Variants in HHIPL1 observed in about 807,000 individuals in gnomAD.
HHIPL1 encodes HHIP-like protein 1.
HHIPL1 carries 43 observed loss-of-function variants against 61.8 expected under a neutral mutation model. The observed-to-expected ratio is 0.70, with a 90% CI of 0.55 to 0.90. The LOEUF (loss-of-function observed/expected upper bound fraction) is 0.90, where lower values mean the gene tolerates loss of function less well. Among genes scored for constraint, HHIPL1 ranks in the 40% least tolerant of loss-of-function variants. HHIPL1 has a pLI of 0.00. For synonymous variants in HHIPL1, 482 were observed against 515.8 expected, an observed-to-expected ratio of 0.93 and a Z score of 0.89; for missense variants, 1,056 against 1,157.7, an observed-to-expected ratio of 0.91 and a Z score of 1.28.
intron 2 of HHIPL1, among the ~76,000 whole-genome samples, chr14:99,656,795 GA>G (rs1404994435): frequency 0.31 from 1,586 of 5,102 alleles, 166 homozygotes; most frequent in African/African-American, 0.34. Flanking sequence ...AGAAAAGAAA[GA>G]AAGAAAGAAA....
the HHIPL1 span, among the ~76,000 whole-genome samples, chr14:99,604,925 T>C: frequency 6.6e-6 from 1 of 152,112 alleles, no homozygotes; most frequent in Non-Finnish European, 1.5e-5. Context: ...CCCACCCGGG[T>C]CCCCTGCCGG....
chr14:99,659,568 T>C lies in HHIPL1; in HGVS notation c.1187T>C (p.Met396Thr), dbSNP rs1414100246. ...GTCTACGCCCTGGGCGTGCGCAACA[T>C]GTGGCGCTGCTCCTTCGACCGTGGC... ...PEVYALGVRN[M>T]WRCSFDRGDP... The change falls in exon 4 of 9, where the codon ATG becomes ACG. Residue 396 changes from methionine to threonine, a missense_variant. Coordinates refer to ENST00000330710, the MANE Select transcript of HHIPL1 (RefSeq NM_001127258.3). 6.4e-7 allele frequency: 1 copy of C among 1,551,866 alleles called. No homozygotes were observed. Among genetic ancestry groups the C allele is most frequent in the Non-Finnish European group, 8.7e-7 (1 of 1,152,068 alleles).
chr14:99,607,510 T>A, the HHIPL1 span, among the ~76,000 whole-genome samples: 16 of 152,192 alleles, frequency 1.1e-4, no homozygotes, highest in African/African-American at 3.4e-4. Flanking sequence ...CCACACACAT[T>A]TGTGAGAGCC....
chr14:99,661,081 A>C (rs2140077511), intron 5 of HHIPL1, among the ~76,000 whole-genome samples: 1 of 152,226 alleles, frequency 6.6e-6, no homozygotes, highest in South Asian at 2.1e-4. Flanking sequence ...GGAAACCTAC[A>C]TCACAACCCT....
chr14:99,653,940 G>A (rs939268435), intron 2 of HHIPL1, among the ~76,000 whole-genome samples: 1 of 152,194 alleles, frequency 6.6e-6, no homozygotes, highest in Admixed American at 6.5e-5. Context: ...AGTAATCTCA[G>A]CACTTTGAGA....
At chr14:99,659,845 C>CCCCCCG in intron 4 of HHIPL1, 89 bp downstream of exon 4, 1 of 315,536 alleles carries the variant, frequency 3.2e-6, no homozygotes, top group Non-Finnish European at 4.4e-6. Flanking sequence ...TCGGAGACCG[C>CCCCCCG]ACCCCCCCCC....
chr14:99,652,259 C>T lies in HHIPL1; in HGVS notation c.291C>T (p.Ala97=), dbSNP rs575767490. The part of the protein sequence containing the change: ...CSPYAAHLYD[A]EDPFTPLRTV... ...CGTATGCAGCCCACCTCTATGACGC[C>T]GAGGACCCATTCACGCCCCTGCGCA... is the stretch of plus-strand genomic sequence containing the variant. The change falls in exon 2 of 9, where the codon GCC becomes GCT. Residue 97 remains alanine (A), a synonymous_variant. Coordinates refer to ENST00000330710, the MANE Select transcript of HHIPL1 (RefSeq NM_001127258.3). The T allele has an allele frequency of 2.1e-4, 344 of 1,611,896 alleles. 1 individual carries two copies. The highest frequency in any genetic ancestry group is 3.6e-4 in the South Asian group (33 of 90,928).
Position 99,660,142 on chromosome 14 carries a change from TGG to T in HHIPL1, c.1376-136_1376-135del. 5.7e-6 allele frequency: 4 copies of T among 700,668 alleles called. No homozygotes were observed. The highest frequency in any genetic ancestry group is 2.5e-5 in the South Asian group (1 of 39,426). The allele number at this position is 700,668 out of a possible 1,614,324, so 43.4% of individuals were successfully genotyped here. ...GCTTTCCACCACGCCAGCCCTGCTG[TGG>T]GCACGCCAGCCCTGCTGTGGGCACG... On this transcript the variant is annotated intron_variant, in intron 4 of 8. Coordinates refer to ENST00000330710, the MANE Select transcript of HHIPL1 (RefSeq NM_001127258.3). The surrounding 1 kb of genome is among the most constrained non-coding windows in gnomAD (Gnocchi z 4.9).
At chr14:99,617,991 G>A in the HHIPL1 span, among the ~76,000 whole-genome samples, 15 of 152,326 alleles carry the variant, frequency 9.8e-5, no homozygotes, top group African/African-American at 3.6e-4. Context: ...GGCAGAGGAC[G>A]TGACCAAGAG....
rs1330002542 is a variant in HHIPL1, at chr14:99,645,310, C to T, written c.103C>T (p.Pro35Ser). Residue 35 changes from proline to serine, a missense_variant, in exon 1 of 9, where the codon CCG becomes TCG. Physicochemically the swap from Pro to Ser is moderately conservative, Grantham distance 74. Coordinates refer to ENST00000330710, the MANE Select transcript of HHIPL1 (RefSeq NM_001127258.3). ...CAGGCCGCCCTTCCGGCCGACGCAGCCGCTGCGCCTCTGCGCGCAGTACTC... is the reference window on the plus strand; with the variant it reads ...CAGGCCGCCCTTCCGGCCGACGCAGTCGCTGCGCCTCTGCGCGCAGTACTC... ...DFRPPFRPTQPLRLCAQYSDF... is the reference protein window; with the variant it reads ...DFRPPFRPTQSLRLCAQYSDF... 1.4e-6 allele frequency: 2 copies of T among 1,453,410 alleles called. No homozygotes were observed. The highest frequency in any genetic ancestry group is 1.8e-6 in the Non-Finnish European group (2 of 1,107,658). The allele number at this position is 1,453,410 out of a possible 1,614,324, so 90.0% of individuals were successfully genotyped here. A position where few individuals can be genotyped will look rare whatever the true frequency, so the allele number is the denominator to read the frequency against.
intron 7 of HHIPL1, among the ~76,000 whole-genome samples, chr14:99,672,005 C>A (rs763838012): frequency 6.6e-6 from 1 of 152,186 alleles, no homozygotes; most frequent in Non-Finnish European, 1.5e-5. Context: ...GGCATTTGTT[C>A]ACACCCTGAG....
the HHIPL1 span, among the ~76,000 whole-genome samples, chr14:99,637,193 A>AAGGAAGG: frequency 2.4e-5 from 2 of 83,842 alleles, no homozygotes; most frequent in African/African-American, 8.5e-5. Context: ...AGAATGGAAG[A>AAGGAAGG]AAGAAAGGAA....
chr14:99,644,389 T>C (rs1308755754), upstream of HHIPL1, among the ~76,000 whole-genome samples: 2 of 149,458 alleles, frequency 1.3e-5, no homozygotes, highest in South Asian at 2.2e-4. Flanking sequence ...GTGTGTGTGT[T>C]TGTCTGTGTG....
At chr14:99,669,275 T>G (rs1009261861) in intron 7 of HHIPL1, 7 of 1,048,394 alleles carry the variant, frequency 6.7e-6, no homozygotes, top group Non-Finnish European at 8.1e-6. Flanking sequence ...ATCAGCTTTC[T>G]AAGCTGCTTC....
the HHIPL1 span, among the ~76,000 whole-genome samples, chr14:99,610,939 G>A: frequency 6.6e-6 from 1 of 152,244 alleles, no homozygotes; most frequent in South Asian, 2.1e-4. Context: ...AGGGGCTACT[G>A]TGTGCATTGT....
At chr14:99,636,939 C>T in the HHIPL1 span, among the ~76,000 whole-genome samples, 10 of 142,586 alleles carry the variant, frequency 7.0e-5, no homozygotes, top group African/African-American at 2.4e-4. Context: ...CACTGTACTC[C>T]AGCCTGGGTG....
Position 99,659,469 on chromosome 14 carries a change from G to T in HHIPL1, c.1088G>T (p.Arg363Leu), listed in dbSNP as rs1273999777. The part of the protein sequence containing the change: ...LGKVLRIDVD[R>L]KERGLPYGIP... ...AAGGTGCTGCGCATCGACGTGGACC[G>T]TAAGGAGCGCGGCCTGCCCTACGGC... The change falls in exon 4 of 9, where the codon CGT becomes CTT. Residue 363 changes from arginine to leucine, a missense_variant. Transcript: ENST00000330710. 2.0e-6 allele frequency: 3 copies of T among 1,528,220 alleles called. No individual in the cohort carries two copies. Among genetic ancestry groups the T allele is most frequent in the East Asian group, 5.1e-5 (2 of 39,494 alleles). 94.7% of individuals were successfully genotyped at this position (1,528,220 alleles called of 1,614,324 possible).
rs1220946860 is a variant in HHIPL1 at position 99,660,444 on chromosome 14, CACTGGCTCCTTGGG to C, written c.1502+52_1502+65del. 2.5e-6 allele frequency: 4 copies of C among 1,593,122 alleles called. No homozygotes were observed. Among genetic ancestry groups the C allele is most frequent in the Admixed American group, 1.7e-5 (1 of 59,014 alleles). ...GTGCCCTCGCGCCCCTGGCTGCTGC[CACTGGCTCCTTGGG>C]ACTGGCTCCTTGGTAAAGGGGAGTG... On this transcript the variant is annotated intron_variant, in intron 5 of 8. Transcript: ENST00000330710. The surrounding 1 kb of genome is among the most constrained non-coding windows in gnomAD (Gnocchi z 4.9).
rs1008756779 is a variant in HHIPL1, at chr14:99,675,784, G to A, written c.*158G>A. On this transcript the variant is annotated 3_prime_UTR_variant, in exon 9 of 9. Coordinates refer to ENST00000330710, the MANE Select transcript of HHIPL1 (RefSeq NM_001127258.3). The surrounding 1 kb of genome is among the most constrained non-coding windows in gnomAD (Gnocchi z 5.4). ...ATGTGTGAGGCGCTGCAGTGCATGT[G>A]TGTCCTCTGCAGACCCAAGGCAGGA... The A allele has an allele frequency of 2.7e-5, 19 of 701,376 alleles. No individual in the cohort carries two copies. The highest frequency in any genetic ancestry group is 4.0e-5 in the Non-Finnish European group (18 of 452,974). The allele number at this position is 701,376 out of a possible 1,614,324, so 43.4% of individuals were successfully genotyped here. A position where few individuals can be genotyped will look rare whatever the true frequency, so the allele number is the denominator to read the frequency against.
Sources: allele counts gnomAD v4.1 joint callset (sites outside exome capture counted in the v4.1 genomes callset), GRCh38; gene constraint gnomAD v4.1.1; non-coding constraint Gnocchi (gnomAD v3.1); transcripts MANE v1.5; gene names NCBI Gene and HGNC (gene_info 2026-07-23, HGNC 2026-07-21).